Variants in GNAT3 observed in about 807,000 individuals in gnomAD.
The protein encoded by GNAT3 is guanine nucleotide-binding protein G(t) subunit alpha-3.
In GNAT3, 31 loss-of-function variants were observed where a neutral mutation model predicts 37.7. That is an observed-to-expected ratio of 0.82 (90% CI 0.62 to 1.11). GNAT3 has a LOEUF of 1.11. Among genes scored for constraint, GNAT3 ranks in the 50% most tolerant of loss-of-function variants. GNAT3 has a pLI of 0.00. For synonymous variants in GNAT3, 138 were observed against 139.8 expected, an observed-to-expected ratio of 0.99 and a Z score of 0.09; for missense variants, 437 against 412.5, an observed-to-expected ratio of 1.06 and a Z score of -0.51.
intron 7 of GNAT3, among the ~76,000 whole-genome samples, chr7:80,460,758 A>T (rs904945106): frequency 6.6e-6 from 1 of 151,912 alleles, no homozygotes; most frequent in Non-Finnish European, 1.5e-5. Context: ...AAGAAAAAAA[A>T]AAAGATGGAC....
chr7:80,478,090 T>C (rs1790334896), intron 4 of GNAT3, among the ~76,000 whole-genome samples: 1 of 152,204 alleles, frequency 6.6e-6, no homozygotes, highest in Admixed American at 6.5e-5. Context: ...TTGTATTTTT[T>C]TGTAGCAACT....
intron 2 of GNAT3, among the ~76,000 whole-genome samples, chr7:80,493,768 A>C (rs9769886): frequency 2.0e-3 from 43 of 21,408 alleles, no homozygotes; most frequent in Admixed American, 7.7e-3. Context: ...TTCCTCCTCC[A>C]CCTCTTTCCT....
At chr7:80,466,039 C>A (rs1159196763) in intron 5 of GNAT3, among the ~76,000 whole-genome samples, 1 of 152,054 alleles carries the variant, frequency 6.6e-6, no homozygotes, top group East Asian at 1.9e-4. Context: ...GGTTTTTAAC[C>A]CATAAGGATT....
intron 2 of GNAT3, among the ~76,000 whole-genome samples, chr7:80,489,235 GA>G (rs1790546287): frequency 6.6e-6 from 1 of 152,070 alleles, no homozygotes; most frequent in Non-Finnish European, 1.5e-5. Context: ...TATAAAAGTT[GA>G]AATGCCTGAC....
chr7:80,472,158 A>T (rs1476688666), intron 5 of GNAT3, among the ~76,000 whole-genome samples: 4 of 152,040 alleles, frequency 2.6e-5, no homozygotes, highest in African/African-American at 9.7e-5. Flanking sequence ...AAGCAATGTG[A>T]TGTATCAATA....
Position 80,458,795 on chromosome 7 carries a change from T to C in GNAT3, c.941A>G (p.Lys314Arg), listed in dbSNP as rs1480445431. 1 of 1,596,802 alleles carries C rather than the reference T, an allele frequency of 6.3e-7. No individual in the cohort carries two copies. The highest frequency in any genetic ancestry group is 8.5e-7 in the Non-Finnish European group (1 of 1,171,552). ...KNQFLDLNLK[K>R]EDKEIYSHMT... ...GTGGGAATAAATTTCCTTATCTTCT[T>C]TTTTTAAATTCAGGTCTAGAAACTG... The change falls in exon 8 of 8, where the codon AAA becomes AGA. Residue 314 changes from lysine to arginine, a missense_variant. Physicochemically the swap from Lys to Arg is conservative, Grantham distance 26. Transcript: ENST00000398291.
intron 1 of GNAT3, among the ~76,000 whole-genome samples, chr7:80,509,736 A>T (rs1320033997): frequency 1.3e-5 from 2 of 152,154 alleles, no homozygotes; most frequent in Non-Finnish European, 2.9e-5. Flanking sequence ...CAAATTTAAA[A>T]AAAATCTTTC....
At chr7:80,488,901 G>C (rs150196837) in intron 2 of GNAT3, among the ~76,000 whole-genome samples, 8 of 152,046 alleles carry the variant, frequency 5.3e-5, no homozygotes, top group Non-Finnish European at 8.8e-5. Flanking sequence ...AATATGAAAA[G>C]ACTTAGGATT....
At chr7:80,489,529 G>C (rs1787732948) in intron 2 of GNAT3, among the ~76,000 whole-genome samples, 1 of 151,938 alleles carries the variant, frequency 6.6e-6, no homozygotes, top group Admixed American at 6.6e-5. Context: ...TTTAGCATGG[G>C]GGGAAAAGAG....
At chr7:80,468,258 A>G (rs1458791915) in intron 5 of GNAT3, among the ~76,000 whole-genome samples, 1 of 151,742 alleles carries the variant, frequency 6.6e-6, no homozygotes, top group Admixed American at 6.6e-5. Flanking sequence ...ATATTGGATC[A>G]CATGAGATTA....
chr7:80,490,873 G>A (rs960183273), intron 2 of GNAT3, among the ~76,000 whole-genome samples: 3 of 152,148 alleles, frequency 2.0e-5, no homozygotes, highest in Non-Finnish European at 2.9e-5. Context: ...TCTATAGTGT[G>A]TTAGTCTACA....
chr7:80,463,242 G>T (rs1294515164), intron 5 of GNAT3, among the ~76,000 whole-genome samples: 20 of 152,096 alleles, frequency 1.3e-4, no homozygotes, highest in Admixed American at 1.3e-3. Context: ...CATACAGAAA[G>T]ACTTAAGTTA....
chr7:80,476,128 A>T (rs1293054603), intron 4 of GNAT3, among the ~76,000 whole-genome samples: 1 of 152,050 alleles, frequency 6.6e-6, no homozygotes, highest in Non-Finnish European at 1.5e-5. Flanking sequence ...ATAAAGATTA[A>T]ATTCATTTCA....
chr7:80,503,568 T>G (rs1206452908), intron 1 of GNAT3, among the ~76,000 whole-genome samples: 1 of 152,134 alleles, frequency 6.6e-6, no homozygotes, highest in African/African-American at 2.4e-5. Context: ...CCAATAGAGA[T>G]AGAGCTAAAA....
intron 3 of GNAT3, among the ~76,000 whole-genome samples, chr7:80,479,621 G>A (rs1467499174): frequency 6.8e-6 from 1 of 147,424 alleles, no homozygotes; most frequent in Admixed American, 6.9e-5. Context: ...TGAGGTGGGA[G>A]AATTGCTTGA....
At chr7:80,460,995 C>T (rs1462939583) in intron 7 of GNAT3, among the ~76,000 whole-genome samples, 1 of 143,490 alleles carries the variant, frequency 7.0e-6, no homozygotes, top group Non-Finnish European at 1.5e-5. Context: ...AATATAAAAC[C>T]TTTAATTATG....
At chr7:80,479,795 T>G (rs569475344) in intron 3 of GNAT3, among the ~76,000 whole-genome samples, 13 of 150,810 alleles carry the variant, frequency 8.6e-5, no homozygotes, top group Middle Eastern at 6.8e-3. Flanking sequence ...AATTAATATA[T>G]AATGTTTTTT....
chr7:80,480,149 C>T (rs1013940046), intron 3 of GNAT3, among the ~76,000 whole-genome samples: 12 of 152,056 alleles, frequency 7.9e-5, no homozygotes, highest in African/African-American at 2.2e-4. Flanking sequence ...TGGTAATAGC[C>T]CAGGCAAATG....
intron 1 of GNAT3, among the ~76,000 whole-genome samples, chr7:80,496,250 C>G (rs1358517634): frequency 1.3e-5 from 2 of 152,182 alleles, no homozygotes; most frequent in African/African-American, 4.8e-5. Context: ...CCTGCCTCAG[C>G]CTCCTGAGTA....
Sources: allele counts gnomAD v4.1 joint callset (sites outside exome capture counted in the v4.1 genomes callset), GRCh38; gene constraint gnomAD v4.1.1; transcripts MANE v1.5; gene names NCBI Gene and HGNC (gene_info 2026-07-23, HGNC 2026-07-21).